Variants in WDR41 observed in about 807,000 individuals in gnomAD.
WDR41 encodes WD repeat domain 41, also known as WD repeat-containing protein 41.
Under a neutral mutation model 69.3 loss-of-function variants are expected in WDR41, and 63 were observed. The ratio of observed to expected loss-of-function variants is 0.91; its 90% confidence interval spans 0.74 to 1.12. The LOEUF is 1.12. WDR41 is among the 50% of genes most tolerant of loss of function. The pLI is 0.00. For missense variants in WDR41, 543 were observed against 534.5 expected (o/e 1.02, Z -0.16); for synonymous variants, 185 against 192.1 (o/e 0.96, Z 0.31).
chr5:77,489,439 AC>A lies in WDR41; in HGVS notation c.167+17del. ...CTCTTCCCAAACAATAGTCAATTAGACCACTATAGCTTCTTACCTGTAGTCA... is the reference window on the plus strand; with the variant it reads ...CTCTTCCCAAACAATAGTCAATTAGACACTATAGCTTCTTACCTGTAGTCA... On this transcript the variant is annotated intron_variant, in intron 2 of 12. Coordinates refer to ENST00000296679, the MANE Select transcript of WDR41 (RefSeq NM_018268.4). The A allele has an allele frequency of 6.8e-7, 1 of 1,473,350 alleles. No individual in the cohort carries two copies. The highest frequency in any genetic ancestry group is 9.2e-7 in the Non-Finnish European group (1 of 1,082,518). 91.3% of individuals were successfully genotyped at this position (1,473,350 alleles called of 1,614,324 possible). A position where few individuals can be genotyped will look rare whatever the true frequency, so the allele number is the denominator to read the frequency against.
intron 1 of WDR41, among the ~76,000 whole-genome samples, chr5:77,611,858 T>A (rs1321152328): frequency 1.3e-5 from 2 of 151,846 alleles, no homozygotes. Flanking sequence ...CAGGAGCTGG[T>A]TTTTTGAAAG....
intron 5 of WDR41, among the ~76,000 whole-genome samples, chr5:77,455,367 A>C (rs1244714079): frequency 1.3e-5 from 2 of 152,186 alleles, no homozygotes; most frequent in East Asian, 1.9e-4. Flanking sequence ...TATTGTAGAC[A>C]CAAGTCCCTT....
chr5:77,463,059 C>T, intron 4 of WDR41, 36 bp downstream of exon 4: 1 of 1,607,836 alleles, frequency 6.2e-7, no homozygotes. Context: ...CCTTAGGCCA[C>T]TACAGCTTGT....
At chr5:77,492,797 G>A (rs562832003), upstream of WDR41, among the ~76,000 whole-genome samples, 2 of 152,156 alleles carry the variant, frequency 1.3e-5, no homozygotes, top group Non-Finnish European at 2.9e-5. Flanking sequence ...CATTTACTGT[G>A]TGCTATAGTA....
chr5:77,535,417 T>G (rs143699074), intron 1 of WDR41, among the ~76,000 whole-genome samples: 1 of 152,216 alleles, frequency 6.6e-6, no homozygotes, highest in Non-Finnish European at 1.5e-5. Flanking sequence ...AAAACTTTCT[T>G]GGAAATCTAT....
intron 8 of WDR41, among the ~76,000 whole-genome samples, chr5:77,445,135 C>T (rs1157363378): frequency 6.6e-6 from 1 of 152,160 alleles, no homozygotes. Context: ...AAACTACCAT[C>T]AGATAATACT....
chr5:77,567,520 A>G lies in WDR41; in HGVS notation c.42+52959T>C, dbSNP rs188131041. Among the ~76,000 whole-genome samples the G allele has an allele frequency of 2.6e-5, 4 of 152,200 alleles. No homozygotes were observed. The East Asian group carries it at 7.7e-4, about 29-fold the overall frequency. ...TTACTTGACCCATGTACATACCAAC[A>G]TTACAGGGTTAGTGCAAACCCCTCA... On this transcript the variant is annotated intron_variant, in intron 1 of 5. Coordinates refer to the WDR41 transcript ENST00000509971.
Position 77,545,707 on chromosome 5 carries a change from C to A in WDR41, c.43-56135G>T, listed in dbSNP as rs1333105516. The stretch of plus-strand genomic sequence containing the variant: ...TGAGGTTTTAAAGGTTACGCCAGTG[C>A]AGAAGCAGACCCACGCTGGCCAGTG... On this transcript the variant is annotated intron_variant, in intron 1 of 5. Coordinates refer to the WDR41 transcript ENST00000509971. The A allele has an allele frequency of 1.1e-4, 54 of 507,784 alleles. No individual in the cohort carries two copies. The Admixed American group carries it at 1.4e-3, about 13-fold the overall frequency. The allele number at this position is 507,784 out of a possible 1,614,324, so 31.5% of individuals were successfully genotyped here.
chr5:77,614,561 C>T (rs2112347014), intron 1 of WDR41, among the ~76,000 whole-genome samples: 1 of 149,318 alleles, frequency 6.7e-6, no homozygotes, highest in Middle Eastern at 3.4e-3. Context: ...AAACCAAACA[C>T]CGCATGTTCT....
intron 1 of WDR41, among the ~76,000 whole-genome samples, chr5:77,553,166 C>A (rs575909538): frequency 6.6e-6 from 1 of 152,352 alleles, no homozygotes; most frequent in South Asian, 2.1e-4. Context: ...GCTGCTATAA[C>A]AAAATACCTC....
intron 7 of WDR41, 118 bp downstream of exon 7, chr5:77,451,173 A>C: frequency 1.1e-6 from 1 of 881,882 alleles, no homozygotes; most frequent in Non-Finnish European, 1.8e-6. Flanking sequence ...CAACAATCCC[A>C]AGAAGCCAAG....
At chr5:77,540,984 G>A (rs1040528253) in intron 1 of WDR41, among the ~76,000 whole-genome samples, 2 of 152,140 alleles carry the variant, frequency 1.3e-5, no homozygotes, top group East Asian at 3.9e-4. Context: ...TGAGGCTACT[G>A]CTATACCAAG....
intron 1 of WDR41, among the ~76,000 whole-genome samples, chr5:77,549,308 T>C (rs998456986): frequency 2.6e-5 from 4 of 151,540 alleles, no homozygotes; most frequent in Non-Finnish European, 5.9e-5. Context: ...AAATAATGAG[T>C]CAAATTATCT....
chr5:77,462,978 T>C (rs426381), intron 4 of WDR41, 117 bp downstream of exon 4: 522,209 of 1,152,776 alleles, frequency 0.45, 121,132 homozygotes, highest in African/African-American at 0.65. Context: ...AGAACAAAAA[T>C]CATTTTTGCT....
intron 1 of WDR41, among the ~76,000 whole-genome samples, chr5:77,559,806 T>G (rs1205866494): frequency 6.6e-6 from 1 of 152,142 alleles, no homozygotes; most frequent in Admixed American, 6.5e-5. Flanking sequence ...ACAGCCATGC[T>G]ACTGAATTGT....
chr5:77,559,102 G>T (rs1743468289), intron 1 of WDR41, among the ~76,000 whole-genome samples: 1 of 152,152 alleles, frequency 6.6e-6, no homozygotes. Flanking sequence ...GTGTATTAAA[G>T]ACAGTGGTAC....
At chr5:77,570,256 T>C (rs542118820) in intron 1 of WDR41, among the ~76,000 whole-genome samples, 2 of 152,122 alleles carry the variant, frequency 1.3e-5, no homozygotes, top group African/African-American at 4.8e-5. Flanking sequence ...AATTTTTCTT[T>C]AGGGGTGACT....
intron 8 of WDR41, among the ~76,000 whole-genome samples, chr5:77,446,132 T>C (rs566702117): frequency 9.2e-5 from 14 of 151,844 alleles, no homozygotes; most frequent in South Asian, 4.2e-4. Flanking sequence ...ACACCAACAA[T>C]AGACAAGCAG....
intron 1 of WDR41, among the ~76,000 whole-genome samples, chr5:77,517,016 CAAA>C (rs11286686): frequency 2.7e-5 from 3 of 112,992 alleles, no homozygotes; most frequent in African/African-American, 5.9e-5. Flanking sequence ...ACTCCATCTC[CAAA>C]AAAAAAAAAA....
Sources: allele counts gnomAD v4.1 joint callset (sites outside exome capture counted in the v4.1 genomes callset), GRCh38; gene constraint gnomAD v4.1.1; transcripts MANE v1.5; gene names NCBI Gene and HGNC (gene_info 2026-07-23, HGNC 2026-07-21).